The following NRXN3 variants were observed in gnomAD, a reference collection of about 807,000 sequenced individuals.
The protein encoded by NRXN3 is neurexin III.
Under a neutral mutation model 137.6 loss-of-function variants are expected in NRXN3, and 32 were observed. The ratio of observed to expected loss-of-function variants is 0.23; its 90% CI spans 0.18 to 0.31. NRXN3 has a LOEUF of 0.31. Among genes scored for constraint, NRXN3 ranks in the 10% least tolerant of loss-of-function variants. NRXN3 has a pLI of 1.00. For missense variants in NRXN3, 1,574 were observed against 2,062.5 expected, an observed-to-expected ratio of 0.76 and a Z score of 4.59; for synonymous variants, 798 against 784.5, an observed-to-expected ratio of 1.02 and a Z score of -0.29.
intron 16 of NRXN3, among the ~76,000 whole-genome samples, chr14:79,606,775 T>G (rs906244180): frequency 6.6e-6 from 1 of 152,166 alleles, no homozygotes; most frequent in Non-Finnish European, 1.5e-5. Flanking sequence ...TTCAAGGAAC[T>G]CAGTCAATAA....
At chr14:79,795,587 C>T (rs2099158703) in intron 19 of NRXN3, among the ~76,000 whole-genome samples, 1 of 152,156 alleles carries the variant, frequency 6.6e-6, no homozygotes, top group African/African-American at 2.4e-5. Context: ...ACTTACTGGC[C>T]ACAGATCACT....
intron 5 of NRXN3, chr14:78,649,195 T>G: frequency 9.2e-7 from 1 of 1,088,964 alleles, no homozygotes; most frequent in Non-Finnish European, 1.3e-6. Context: ...CTCATCTTTG[T>G]TTTTAGTTTT....
chr14:78,807,787 A>AAG (rs71131663), intron 9 of NRXN3, among the ~76,000 whole-genome samples: 141,354 of 147,900 alleles, frequency 0.96, 67,872 homozygotes, highest in East Asian at 1. Flanking sequence ...GAAAGAAAGA[A>AAG]AAAAACTTTC....
chr14:79,119,417 GT>G (rs985320264), intron 15 of NRXN3, among the ~76,000 whole-genome samples: 29 of 151,998 alleles, frequency 1.9e-4, no homozygotes, highest in African/African-American at 7.0e-4. Context: ...AAGTCTAAAT[GT>G]TTTCCTATAA....
intron 8 of NRXN3, among the ~76,000 whole-genome samples, chr14:78,731,266 C>T (rs775111950): frequency 6.6e-6 from 1 of 152,018 alleles, no homozygotes; most frequent in Non-Finnish European, 1.5e-5. Flanking sequence ...GAGTGTTTAT[C>T]ACTGTTGAAA....
At chr14:79,735,991 C>T (rs1182966081) in intron 19 of NRXN3, among the ~76,000 whole-genome samples, 1 of 152,096 alleles carries the variant, frequency 6.6e-6, no homozygotes, top group Non-Finnish European at 1.5e-5. Flanking sequence ...TTTTGGAGGG[C>T]CTGTGGCTTG....
intron 15 of NRXN3, among the ~76,000 whole-genome samples, chr14:79,052,670 G>A (rs1218514167): frequency 2.0e-5 from 3 of 152,218 alleles, no homozygotes; most frequent in Admixed American, 6.5e-5. Context: ...TTCTCCCATA[G>A]TCTTGTCTCA....
intron 20 of NRXN3, among the ~76,000 whole-genome samples, chr14:79,833,621 G>A (rs1463710949): frequency 7.2e-5 from 4 of 55,544 alleles, no homozygotes; most frequent in Admixed American, 2.2e-4. Context: ...AACAAAAAAT[G>A]TTGAGAAATC....
intron 15 of NRXN3, among the ~76,000 whole-genome samples, chr14:79,147,331 C>T (rs2059392209): frequency 6.6e-6 from 1 of 152,086 alleles, no homozygotes; most frequent in Non-Finnish European, 1.5e-5. Context: ...AGCAATTTAG[C>T]AGCTTTTCTG....
intron 16 of NRXN3, among the ~76,000 whole-genome samples, chr14:79,513,115 T>TGGA (rs1199825813): frequency 2.0e-5 from 3 of 152,194 alleles, no homozygotes. Flanking sequence ...ATAAGGATGG[T>TGGA]GTATGTAGAA....
chr14:79,531,472 A>G (rs2097169094), intron 16 of NRXN3, among the ~76,000 whole-genome samples: 1 of 152,230 alleles, frequency 6.6e-6, no homozygotes, highest in Non-Finnish European at 1.5e-5. Flanking sequence ...GAAAAGGTGA[A>G]TAGGGATAGT....
chr14:79,349,085 G>A (rs2093058830), intron 15 of NRXN3, among the ~76,000 whole-genome samples: 1 of 152,172 alleles, frequency 6.6e-6, no homozygotes, highest in African/African-American at 2.4e-5. Context: ...AGTGAAAGGA[G>A]TAAATTGCTT....
intron 5 of NRXN3, among the ~76,000 whole-genome samples, chr14:78,649,564 T>C (rs2096757920): frequency 1.4e-5 from 1 of 71,908 alleles, no homozygotes; most frequent in African/African-American, 6.7e-5. Context: ...CAAAAAATGC[T>C]TTTTTTTTTT....
chr14:78,846,513 CT>C lies in NRXN3; in HGVS notation c.2275+36170del, dbSNP rs542487434. On this transcript the variant is annotated intron_variant, in intron 10 of 20. Coordinates refer to ENST00000335750, the MANE Select transcript of NRXN3 (RefSeq NM_001330195.2). ...GGACAAAATAATGTTCCTATGTTTT[CT>C]GCTTACAGCTGCTTTTATGATTGGG... 8.5e-5 allele frequency among the ~76,000 whole-genome samples: 13 copies of C among 152,204 alleles called. No homozygotes were observed. The East Asian group carries it at 2.5e-3, about 29-fold the overall frequency.
chr14:78,215,826 C>T (rs948395612), intron 1 of NRXN3, among the ~76,000 whole-genome samples: 7 of 151,938 alleles, frequency 4.6e-5, no homozygotes, highest in Non-Finnish European at 1.0e-4. Context: ...GGATCTCCCA[C>T]ATCTGTTCTG....
intron 8 of NRXN3, among the ~76,000 whole-genome samples, chr14:78,735,622 A>AAAAG (rs533421121): frequency 2.0e-3 from 302 of 152,312 alleles, no homozygotes; most frequent in African/African-American, 7.1e-3. Context: ...ACCATGACCT[A>AAAAG]AAAGATGACT....
intron 4 of NRXN3, among the ~76,000 whole-genome samples, chr14:78,521,200 G>A (rs1314315683): frequency 5.3e-5 from 8 of 151,922 alleles, no homozygotes; most frequent in African/African-American, 1.7e-4. Context: ...TCCTTTCACC[G>A]TCATTTATTT....
chr14:78,967,426 T>C, intron 13 of NRXN3, 28 bp downstream of exon 13: 1 of 1,543,388 alleles, frequency 6.5e-7, no homozygotes, highest in Admixed American at 1.7e-5. Context: ...ATTTAGTTTT[T>C]AATAGAGCTT....
chr14:79,365,745 G>GAAAAAAAAAAAAAAA (rs943211669), intron 15 of NRXN3, among the ~76,000 whole-genome samples: 1 of 114,152 alleles, frequency 8.8e-6, no homozygotes, highest in Non-Finnish European at 1.8e-5. Flanking sequence ...AAAAAAAAAA[G>GAAAAAAAAAAAAAAA]AAAAAAAAGA....
Sources: gnomAD v4.1 joint callset for allele counts (sites outside exome capture counted in the v4.1 genomes callset) on GRCh38, gnomAD v4.1.1 for gene constraint, MANE v1.5 for transcripts, NCBI Gene and HGNC (gene_info 2026-07-23, HGNC 2026-07-21) for gene names.